Variants in CRTC3 observed in about 807,000 individuals in gnomAD.
CRTC3 encodes the protein CREB regulated transcription coactivator 3.
A neutral mutation model predicts 74.5 loss-of-function variants in CRTC3; 26 were observed. That is an observed-to-expected ratio of 0.35 (90% CI 0.26 to 0.48). The LOEUF (loss-of-function observed/expected upper bound fraction) is 0.48. Among genes scored for constraint, CRTC3 ranks in the 20% least tolerant of loss-of-function variants. The pLI, the probability that CRTC3 is intolerant of heterozygous loss-of-function variation, is 0.99. For missense variants in CRTC3, 760 were observed against 787.3 expected (o/e 0.97, Z 0.41); for synonymous variants, 377 against 325.8 (o/e 1.16, Z -1.69).
chr15:90,563,655 A>G (rs936693781), intron 2 of CRTC3, among the ~76,000 whole-genome samples: 2 of 152,198 alleles, frequency 1.3e-5, no homozygotes, highest in Non-Finnish European at 2.9e-5. Context: ...TGGACTGTGC[A>G]GCACTTTTCA....
At chr15:90,572,891 T>A (rs1452249816) in intron 2 of CRTC3, among the ~76,000 whole-genome samples, 6 of 152,170 alleles carry the variant, frequency 3.9e-5, no homozygotes, top group Non-Finnish European at 7.3e-5. Context: ...ATCCATTTTT[T>A]AAAAAAACTG....
At chr15:90,604,843 G>T (rs1968173741) in intron 5 of CRTC3, among the ~76,000 whole-genome samples, 2 of 152,286 alleles carry the variant, frequency 1.3e-5, no homozygotes, top group East Asian at 3.9e-4. Flanking sequence ...CCAGGAGTAA[G>T]AGTTCTACCT....
At position 90,597,130 on chromosome 15, in the gene CRTC3, G is replaced by A. The variant is rs535336519; in HGVS notation, c.351+3375G>A. ...GGCCCTGGCCTAGCCCCACACAGGC[G>A]GAGGAGAGGCACTGCCAGGGCTTGC... On this transcript the variant is annotated intron_variant, in intron 3 of 14. Transcript: ENST00000268184. Among the ~76,000 whole-genome samples the A allele has an allele frequency of 1.8e-3, 280 of 152,272 alleles. 1 individual carries two copies. The highest frequency in any genetic ancestry group is 8.4e-3 in the Admixed American group (129 of 15,308).
In CRTC3 at chr15:90,544,983, C is replaced by A. The variant is rs530778859; in HGVS notation, c.231+4846C>A. ...CATCTGACAAAACTGAAATTCTATG[C>A]CCATTCAATAAGAATTCTCCATGTT... On this transcript the variant is annotated intron_variant, in intron 2 of 14. Coordinates refer to ENST00000268184, the MANE Select transcript of CRTC3 (RefSeq NM_022769.5). 1.4e-4 allele frequency among the ~76,000 whole-genome samples: 22 copies of A among 152,286 alleles called. No individual in the cohort carries two copies. The South Asian group carries it at 3.5e-3, about 24-fold the overall frequency.
chr15:90,536,970 A>G (rs1360916647), intron 1 of CRTC3, among the ~76,000 whole-genome samples: 1 of 152,164 alleles, frequency 6.6e-6, no homozygotes, highest in East Asian at 1.9e-4. Flanking sequence ...GATTTTTTCA[A>G]TTGAAATTTA....
At chr15:90,591,739 T>C (rs1018011096) in intron 2 of CRTC3, among the ~76,000 whole-genome samples, 4 of 152,156 alleles carry the variant, frequency 2.6e-5, no homozygotes, top group Non-Finnish European at 4.4e-5. Flanking sequence ...GGAGGTTGCA[T>C]TGAGCCAAGA....
chr15:90,579,635 T>G lies in CRTC3; in HGVS notation c.232-14001T>G, dbSNP rs201089066. 6.3e-5 allele frequency among the ~76,000 whole-genome samples: 5 copies of G among 79,688 alleles called. No individual in the cohort carries two copies. In the South Asian group the frequency reaches 2.0e-3, roughly 33 times the overall value. The allele number at this position is 79,688 out of a possible 152,430, so 52.3% of individuals were successfully genotyped here. On this transcript the variant is annotated intron_variant, in intron 2 of 14. Transcript: ENST00000268184. ...ATTACATGGAGTAAACGTATTTCAC[T>G]TTTTTTTTTTTTTTTTTTTTTTTTG...
rs1026680279 is a variant in CRTC3, at chr15:90,556,996, A to C, written c.231+16859A>C. On this transcript the variant is annotated intron_variant, in intron 2 of 14. Coordinates refer to ENST00000268184, the MANE Select transcript of CRTC3 (RefSeq NM_022769.5). Reference sequence around the variant, plus strand: ...TATATATATATATATATATATATATATATCTTTATAATACAATATGAAAAA... The same window carrying C: ...TATATATATATATATATATATATATCTATCTTTATAATACAATATGAAAAA... 1.3e-4 allele frequency among the ~76,000 whole-genome samples: 18 copies of C among 142,792 alleles called. 1 individual carries two copies. Among genetic ancestry groups the C allele is most frequent in the South Asian group, 2.2e-4 (1 of 4,608 alleles). 93.7% of individuals were successfully genotyped at this position (142,792 alleles called of 152,430 possible). A position where few individuals can be genotyped will look rare whatever the true frequency, so the allele number is the denominator to read the frequency against.
In CRTC3 at chr15:90,586,296, C is replaced by CATTT. The variant is rs199660932; in HGVS notation, c.232-7337_232-7334dup. 9.4e-3 allele frequency among the ~76,000 whole-genome samples: 1,428 copies of CATTT among 151,358 alleles called. 22 individuals carry two copies. Among genetic ancestry groups the CATTT allele is most frequent in the African/African-American group, 0.032 (1,311 of 41,168 alleles). ...ATCAATACTTTTTCAAAGTATTAACCATTTATATGCTTAATCCTGGTTTTC... is the reference window on the plus strand; with the variant it reads ...ATCAATACTTTTTCAAAGTATTAACCATTTATTTATATGCTTAATCCTGGTTTTC... On this transcript the variant is annotated intron_variant, in intron 2 of 14. Coordinates refer to ENST00000268184, the MANE Select transcript of CRTC3 (RefSeq NM_022769.5).
At chr15:90,626,472 A>C (rs1020008806) in intron 10 of CRTC3, among the ~76,000 whole-genome samples, 1 of 152,210 alleles carries the variant, frequency 6.6e-6, no homozygotes, top group African/African-American at 2.4e-5. Flanking sequence ...GAAATCCCCC[A>C]CAGTTCCAGT....
intron 2 of CRTC3, among the ~76,000 whole-genome samples, chr15:90,557,564 A>G (rs749581956): frequency 6.6e-6 from 1 of 151,992 alleles, no homozygotes; most frequent in Non-Finnish European, 1.5e-5. Flanking sequence ...CCTTTCACAT[A>G]GTGATCTGTT....
At chr15:90,561,865 A>G (rs1183669583) in intron 2 of CRTC3, among the ~76,000 whole-genome samples, 1 of 152,244 alleles carries the variant, frequency 6.6e-6, no homozygotes, top group Non-Finnish European at 1.5e-5. Context: ...TAAACTTAAA[A>G]TGAAGCTTTA....
At chr15:90,544,258 T>TTGTCTG (rs1191341655) in intron 2 of CRTC3, among the ~76,000 whole-genome samples, 1 of 152,210 alleles carries the variant, frequency 6.6e-6, no homozygotes, top group Non-Finnish European at 1.5e-5. Flanking sequence ...TCTTCATTGT[T>TTGTCTG]TGTCTGTGTC....
intron 6 of CRTC3, among the ~76,000 whole-genome samples, chr15:90,607,833 C>G (rs926935504): frequency 3.9e-5 from 6 of 152,224 alleles, no homozygotes; most frequent in Non-Finnish European, 7.3e-5. Context: ...TTTCCCCACC[C>G]AGGATCTGAA....
chr15:90,592,950 TG>T (rs1967836214), intron 2 of CRTC3, among the ~76,000 whole-genome samples: 1 of 152,082 alleles, frequency 6.6e-6, no homozygotes, highest in African/African-American at 2.4e-5. Flanking sequence ...GTCAGGAGTT[TG>T]AGACCAGCCT....
intron 11 of CRTC3, among the ~76,000 whole-genome samples, chr15:90,635,639 T>C (rs997704161): frequency 6.6e-6 from 1 of 152,016 alleles, no homozygotes; most frequent in African/African-American, 2.4e-5. Context: ...AGCAAGACTC[T>C]GTCTCCAGAA....
intron 5 of CRTC3, among the ~76,000 whole-genome samples, chr15:90,605,815 C>T (rs191062174): frequency 4.6e-5 from 7 of 152,306 alleles, no homozygotes; most frequent in South Asian, 4.1e-4. Flanking sequence ...TTTCTATGGC[C>T]GACAGTTTGA....
At chr15:90,584,644 G>A (rs896460231) in intron 2 of CRTC3, among the ~76,000 whole-genome samples, 5 of 152,146 alleles carry the variant, frequency 3.3e-5, no homozygotes, top group African/African-American at 1.2e-4. Flanking sequence ...CATTTGTCAA[G>A]AACTAAAGAA....
At chr15:90,593,943 G>A in intron 3 of CRTC3, 188 bp downstream of exon 3, 1 of 511,324 alleles carries the variant, frequency 2.0e-6, no homozygotes, top group Non-Finnish European at 3.3e-6. Context: ...CATCATTGTA[G>A]GTGTTTATGA....
Sources: allele counts gnomAD v4.1 joint callset (sites outside exome capture counted in the v4.1 genomes callset), GRCh38; gene constraint gnomAD v4.1.1; transcripts MANE v1.5; gene names NCBI Gene and HGNC (gene_info 2026-07-23, HGNC 2026-07-21).